Variants in PRRG2 observed in about 807,000 individuals in gnomAD.
The protein encoded by PRRG2 is transmembrane gamma-carboxyglutamic acid protein 2.
A neutral mutation model predicts 27.1 loss-of-function variants in PRRG2; 23 were observed. The ratio of observed to expected loss-of-function variants is 0.85; its 90% CI spans 0.61 to 1.20. The LOEUF is 1.20. Among genes scored for constraint, PRRG2 ranks in the 50% most tolerant of loss-of-function variants. The pLI, the probability that PRRG2 is intolerant of heterozygous loss-of-function variation, is 0.00. For synonymous variants in PRRG2, 104 were observed against 103.4 expected (o/e 1.01, Z -0.03); for missense variants, 276 against 254.8 (o/e 1.08, Z -0.57).
Position 49,590,787 on chromosome 19 carries a change from T to C in PRRG2, c.*398T>C. ...GTACGCACACGCAGAGCCCCGCCTGTGCACACGCGTGTCTTCGTGCACTCC... is the reference window on the plus strand; with the variant it reads ...GTACGCACACGCAGAGCCCCGCCTGCGCACACGCGTGTCTTCGTGCACTCC... On this transcript the variant is annotated 3_prime_UTR_variant, in exon 7 of 7. Transcript: ENST00000246794. The C allele has an allele frequency of 3.6e-6, 1 of 274,438 alleles. No homozygotes were observed. 17.0% of individuals were successfully genotyped at this position (274,438 alleles called of 1,614,324 possible).
At position 49,590,627 on chromosome 19, in the gene PRRG2, C is replaced by A. The variant is rs912029062; in HGVS notation, c.*238C>A. 7 of 594,588 alleles carry A rather than the reference C, an allele frequency of 1.2e-5. No homozygotes were observed. The highest frequency in any genetic ancestry group is 2.1e-5 in the Non-Finnish European group (7 of 339,638). The allele number at this position is 594,588 out of a possible 1,614,324, so 36.8% of individuals were successfully genotyped here. A position where few individuals can be genotyped will look rare whatever the true frequency, so the allele number is the denominator to read the frequency against. ...CTCACGGGCCCCCACACTCTCCTGA[C>A]CGTGAGGGCACTGGTCAGTTCCGCC... is the stretch of plus-strand genomic sequence containing the variant. On this transcript the variant is annotated 3_prime_UTR_variant, in exon 7 of 7. Transcript: ENST00000246794.
chr19:49,587,321 A>G (rs1599777209), intron 4 of PRRG2, among the ~76,000 whole-genome samples: 1 of 139,318 alleles, frequency 7.2e-6, no homozygotes. Flanking sequence ...TACATGTGAC[A>G]TCCTTTTTTT....
chr19:49,583,181 G>A (rs767271545), intron 1 of PRRG2, 26 bp from the exon 2 acceptor site: 1 of 1,589,072 alleles, frequency 6.3e-7, no homozygotes, highest in Admixed American at 1.7e-5. Context: ...TAAGGCCCTT[G>A]TCAGCTGTAA....
upstream of PRRG2, chr19:49,580,764 A>ACTAT (rs1390811232): frequency 6.6e-6 from 1 of 152,158 alleles, no homozygotes; most frequent in African/African-American, 2.4e-5. Flanking sequence ...GGGAACGCTT[A>ACTAT]CTATGTACGA....
In PRRG2 at chr19:49,584,005, C is replaced by T. The variant is rs1379092293; in HGVS notation, c.301+53C>T. On this transcript the variant is annotated intron_variant, in intron 4 of 6. Transcript: ENST00000246794. ...TCTGTGCAGCTAAGGTAGTCCCTTC[C>T]CAGCGAGGCCAAACCAACGTCCTCC... 5 of 1,538,486 alleles carry T rather than the reference C, an allele frequency of 3.2e-6. No individual in the cohort carries two copies. The Admixed American group carries it at 9.6e-5, about 30-fold the overall frequency.
At chr19:49,583,087 A>G in intron 1 of PRRG2, 120 bp from the exon 2 acceptor site, 2 of 736,316 alleles carry the variant, frequency 2.7e-6, no homozygotes, top group South Asian at 3.6e-5. Context: ...GGCACAGAAT[A>G]CAGGCTGTGT....
At position 49,587,083 on chromosome 19, in the gene PRRG2, G is replaced by A. The variant is rs542991072; in HGVS notation, c.302-1414G>A. Among the ~76,000 whole-genome samples the A allele has an allele frequency of 4.3e-4, 66 of 152,072 alleles. No homozygotes were observed. In the South Asian group the frequency reaches 0.013, roughly 31 times the overall value. On this transcript the variant is annotated intron_variant, in intron 4 of 6. Transcript: ENST00000246794. ...GAGGTGGGAGGATCGCCTGAACCCT[G>A]GAGACCAAGTGGCAGTAAGCCGCGA...
chr19:49,588,425 G>A (rs1380829318), intron 4 of PRRG2, 72 bp from the exon 5 acceptor site: 10 of 1,532,428 alleles, frequency 6.5e-6, no homozygotes, highest in Non-Finnish European at 4.4e-6. Context: ...TTCCCTCAGT[G>A]GGAAGGAATT....
chr19:49,590,056 T>C lies in PRRG2; in HGVS notation c.590+4T>C. On this transcript the variant is annotated splice_donor_region_variant and intron_variant, in intron 6 of 6. Coordinates refer to ENST00000246794, the MANE Select transcript of PRRG2 (RefSeq NM_000951.3). Reference sequence around the variant, plus strand: ...CACCTCCACCCCCCTACACCAGGTATGGGGCGTGGCTTCTGCCCGGGGGCG... The same window carrying C: ...CACCTCCACCCCCCTACACCAGGTACGGGGCGTGGCTTCTGCCCGGGGGCG... 2 of 1,490,460 alleles carry C rather than the reference T, an allele frequency of 1.3e-6. No homozygotes were observed. Among genetic ancestry groups the C allele is most frequent in the Non-Finnish European group, 1.8e-6 (2 of 1,123,562 alleles). The allele number at this position is 1,490,460 out of a possible 1,614,324, so 92.3% of individuals were successfully genotyped here.
Position 49,583,693 on chromosome 19 carries a change from G to T in PRRG2, c.237G>T (p.Glu79Asp). 1 of 1,614,110 alleles carries T rather than the reference G, an allele frequency of 6.2e-7. No individual in the cohort carries two copies. The highest frequency in any genetic ancestry group is 8.5e-7 in the Non-Finnish European group (1 of 1,179,986). ...EERCSWEEAR[E>D]YFEDNTLTER... ...GGTGTTCCTGGGAAGAGGCCAGGGA[G>T]TATTTTGAGGACAACACTCTCACGG... The change falls in exon 3 of 7, where the codon GAG (glutamate) becomes GAT (aspartate). Residue 79 changes from glutamate to aspartate, a missense_variant. Physicochemically the swap from Glu to Asp is conservative, Grantham distance 45 (BLOSUM62 2). Coordinates refer to ENST00000246794, the MANE Select transcript of PRRG2 (RefSeq NM_000951.3).
At chr19:49,587,931 T>G (rs1285504998) in intron 4 of PRRG2, among the ~76,000 whole-genome samples, 1 of 146,296 alleles carries the variant, frequency 6.8e-6, no homozygotes, top group East Asian at 2.0e-4. Context: ...GACATAGTTT[T>G]GTTTTTTTGG....
At chr19:49,584,038 A>G in intron 4 of PRRG2, 86 bp downstream of exon 4, 1 of 1,374,358 alleles carries the variant, frequency 7.3e-7, no homozygotes, top group Non-Finnish European at 1.0e-6. Context: ...TCCACCCCAA[A>G]TTAGGTACAA....
In PRRG2 at chr19:49,583,850, G is replaced by C. The variant is rs2080648065; in HGVS notation, c.262-63G>C. On this transcript the variant is annotated intron_variant, in intron 3 of 6. Transcript: ENST00000246794. The stretch of plus-strand genomic sequence containing the variant: ...AGAAATCAGGATGGGCTAGTTTGGG[G>C]GTGTGAACCTCCCAGCTGAATTCCT... The C allele has an allele frequency of 2.5e-6, 4 of 1,604,576 alleles. No homozygotes were observed. The Admixed American group carries it at 6.7e-5, about 27-fold the overall frequency.
chr19:49,583,645 G>A lies in PRRG2; in HGVS notation c.189G>A (p.Leu63=), dbSNP rs2080645997. Residue 63 remains leucine (L), a synonymous_variant, in exon 3 of 7, where the codon CTG becomes CTA. Coordinates refer to ENST00000246794, the MANE Select transcript of PRRG2 (RefSeq NM_000951.3). ...TGGAGCTGCTCACACCAGGGAACCT[G>A]GAACGGGAGTGTCTGGAAGAGAGGT... ...WDLELLTPGN[L]ERECLEERCS... 1.2e-6 allele frequency: 2 copies of A among 1,614,234 alleles called. No homozygotes were observed. The highest frequency in any genetic ancestry group is 1.7e-6 in the Non-Finnish European group (2 of 1,180,044).
At chr19:49,589,110 T>TC (rs941715917) in intron 5 of PRRG2, among the ~76,000 whole-genome samples, 4 of 150,284 alleles carry the variant, frequency 2.7e-5, no homozygotes, top group African/African-American at 9.8e-5. Flanking sequence ...GGCCTGCCTC[T>TC]CTACAGGGCT....
intron 4 of PRRG2, among the ~76,000 whole-genome samples, chr19:49,588,276 T>C (rs1405924123): frequency 6.6e-6 from 1 of 151,936 alleles, no homozygotes; most frequent in East Asian, 1.9e-4. Context: ...TCTCATTAGG[T>C]TTTTACAGTG....
intron 6 of PRRG2, 70 bp downstream of exon 6, chr19:49,590,122 T>C: frequency 7.1e-7 from 1 of 1,408,058 alleles, no homozygotes; most frequent in Non-Finnish European, 9.3e-7. Context: ...GAACCTGGGC[T>C]CAGGGGCGGG....
chr19:49,588,362 G>A lies in PRRG2; in HGVS notation c.302-135G>A, dbSNP rs775031287. 85 of 1,247,134 alleles carry A rather than the reference G, an allele frequency of 6.8e-5. No homozygotes were observed. The Middle Eastern group carries it at 7.8e-4, about 12-fold the overall frequency. 77.3% of individuals were successfully genotyped at this position (1,247,134 alleles called of 1,614,324 possible). A position where few individuals can be genotyped will look rare whatever the true frequency, so the allele number is the denominator to read the frequency against. Reference sequence around the variant, plus strand: ...GAAAGGAATGAGGTGAATTTCCTGAGGTCACAGGGCTAGGAAGGGACCCCA... The same window carrying A: ...GAAAGGAATGAGGTGAATTTCCTGAAGTCACAGGGCTAGGAAGGGACCCCA... On this transcript the variant is annotated intron_variant, in intron 4 of 6. Transcript: ENST00000246794.
intron 4 of PRRG2, among the ~76,000 whole-genome samples, chr19:49,586,132 A>AG (rs1186300713): frequency 6.7e-6 from 1 of 149,838 alleles, no homozygotes; most frequent in Non-Finnish European, 1.5e-5. Flanking sequence ...CCCAAGCTGG[A>AG]GTGCAGTGGC....
Sources: allele counts gnomAD v4.1 joint callset (sites outside exome capture counted in the v4.1 genomes callset), GRCh38; gene constraint gnomAD v4.1.1; transcripts MANE v1.5; gene names NCBI Gene and HGNC (gene_info 2026-07-23, HGNC 2026-07-21).